The following PAM variants were observed in gnomAD, a reference collection of about 807,000 sequenced individuals.
PAM encodes the protein peptidylglycine alpha-amidating monooxygenase, also known as peptidyl-glycine alpha-amidating monooxygenase.
Under a neutral mutation model 122.1 loss-of-function variants are expected in PAM, and 72 were observed. That is an observed-to-expected ratio of 0.59 (90% CI 0.49 to 0.72). PAM has a LOEUF of 0.72. Ranked by LOEUF, PAM falls within the 30% of genes least tolerant of loss-of-function variation. PAM has a pLI of 0.00. For missense variants in PAM, 1,106 were observed against 1,183.7 expected, an observed-to-expected ratio of 0.93 and a Z score of 0.96; for synonymous variants, 389 against 404.4, an observed-to-expected ratio of 0.96 and a Z score of 0.46.
chr5:102,988,139 G>A (rs992885359), intron 15 of PAM, among the ~76,000 whole-genome samples: 10 of 152,138 alleles, frequency 6.6e-5, no homozygotes, highest in South Asian at 4.2e-4. Context: ...ACATACACAC[G>A]TATCCTTTCC....
intron 1 of PAM, among the ~76,000 whole-genome samples, chr5:102,778,792 C>T (rs962319220): frequency 2.6e-5 from 4 of 152,106 alleles, no homozygotes; most frequent in African/African-American, 9.7e-5. Context: ...ACAGTTTTCT[C>T]AGTTTGTAGT....
At chr5:102,942,041 A>G (rs568838762) in intron 7 of PAM, among the ~76,000 whole-genome samples, 1 of 152,138 alleles carries the variant, frequency 6.6e-6, no homozygotes, top group East Asian at 1.9e-4. Context: ...TTTTTTATAT[A>G]ACAGCACAGC....
intron 1 of PAM, among the ~76,000 whole-genome samples, chr5:102,809,983 T>C (rs1362805186): frequency 2.6e-5 from 4 of 152,246 alleles, no homozygotes; most frequent in African/African-American, 9.6e-5. Context: ...ATTTAGATTA[T>C]AATAGGTTAA....
chr5:103,012,799 T>C (rs1421387406), intron 21 of PAM, among the ~76,000 whole-genome samples: 1 of 146,596 alleles, frequency 6.8e-6, no homozygotes, highest in Non-Finnish European at 1.5e-5. Context: ...GAGCTTGCAG[T>C]GAGCGAAGAT....
At position 102,883,243 on chromosome 5, in the gene PAM, T is replaced by C. The variant is rs189765964; in HGVS notation, c.210+15850T>C. Among the ~76,000 whole-genome samples the C allele has an allele frequency of 5.3e-5, 8 of 152,056 alleles. No individual in the cohort carries two copies. In the South Asian group the frequency reaches 1.0e-3, roughly 20 times the overall value. On this transcript the variant is annotated intron_variant, in intron 3 of 25. Transcript: ENST00000438793. The stretch of plus-strand genomic sequence containing the variant: ...TATGAGTTTTAGGATTGTTTTTTTC[T>C]AGATCTGTGAGCAATGATAGTGGTA...
intron 12 of PAM, among the ~76,000 whole-genome samples, chr5:102,956,306 T>C (rs1481592901): frequency 6.6e-6 from 1 of 152,138 alleles, no homozygotes; most frequent in African/African-American, 2.4e-5. Context: ...TGCATGTGTG[T>C]ACACACATAC....
intron 7 of PAM, among the ~76,000 whole-genome samples, chr5:102,936,343 G>A (rs764357274): frequency 6.6e-6 from 1 of 152,028 alleles, no homozygotes; most frequent in African/African-American, 2.4e-5. Flanking sequence ...GAGGATGTTG[G>A]CAATGTGGAT....
At chr5:102,980,275 T>C (rs1414801835) in intron 15 of PAM, among the ~76,000 whole-genome samples, 1 of 152,190 alleles carries the variant, frequency 6.6e-6, no homozygotes, top group East Asian at 1.9e-4. Flanking sequence ...TAACTAGTCA[T>C]GTATTGAATC....
At chr5:102,793,462 T>G (rs1196630561) in intron 1 of PAM, among the ~76,000 whole-genome samples, 1 of 151,840 alleles carries the variant, frequency 6.6e-6, no homozygotes, top group Non-Finnish European at 1.5e-5. Flanking sequence ...GCCTGGGAGG[T>G]GGAGGCTGCA....
chr5:103,024,209 A>T (rs1423480184), intron 23 of PAM, among the ~76,000 whole-genome samples: 2 of 152,148 alleles, frequency 1.3e-5, no homozygotes, highest in Non-Finnish European at 2.9e-5. Flanking sequence ...TAGAGTTTCT[A>T]TACAAATACA....
In PAM at chr5:103,020,118, A is replaced by G. The variant is rs17154956; in HGVS notation, c.2485+275A>G. Among the ~76,000 whole-genome samples, 1,085 of 152,250 alleles carry G rather than the reference A, an allele frequency of 7.1e-3. 25 individuals are homozygous for G. In the East Asian group the frequency reaches 0.072, roughly 10 times the overall value. On this transcript the variant is annotated intron_variant, in intron 23 of 25. Coordinates refer to ENST00000438793, the MANE Select transcript of PAM (RefSeq NM_001177306.2). ...ACTTTGTAACTAGTGAGCCAGAGATATTCCGAGAAGAAAAAAAGTCAGCCA... is the reference window on the plus strand; with the variant it reads ...ACTTTGTAACTAGTGAGCCAGAGATGTTCCGAGAAGAAAAAAAGTCAGCCA...
intron 16 of PAM, among the ~76,000 whole-genome samples, chr5:103,002,590 A>G (rs1481444239): frequency 6.6e-6 from 1 of 152,180 alleles, no homozygotes; most frequent in African/African-American, 2.4e-5. Context: ...TCCAGCTATT[A>G]TTATAATTAA....
Position 103,025,272 on chromosome 5 carries a change from C to A in PAM, c.2627C>A (p.Pro876Gln). 1 of 1,613,700 alleles carries A rather than the reference C, an allele frequency of 6.2e-7. No homozygotes were observed. Among genetic ancestry groups the A allele is most frequent in the Non-Finnish European group, 8.5e-7 (1 of 1,179,722 alleles). Residue 876 changes from proline (P) to glutamine (Q), a missense_variant, in exon 24 of 26, where the codon CCG (proline) becomes CAG (glutamine). Physicochemically the swap from Pro to Gln is moderately conservative, Grantham distance 76. This residue lies in a region of PAM where 333 missense variants were observed against 335.6 expected (regional missense o/e 0.99). Coordinates refer to ENST00000438793, the MANE Select transcript of PAM (RefSeq NM_001177306.2). ...CTCATTACAACCCTTCTGGTTATTC[C>A]GGTGGTTGTCCTGCTGGCCATTGCC... The part of the protein sequence containing the change: ...VVLITTLLVI[P>Q]VVVLLAIAIF...
intron 5 of PAM, among the ~76,000 whole-genome samples, chr5:102,920,497 T>C (rs756702363): frequency 1.7e-4 from 26 of 152,258 alleles, no homozygotes; most frequent in Middle Eastern, 6.8e-3. Flanking sequence ...TTTTTCATTA[T>C]GTATCATTCT....
chr5:103,011,989 G>T (rs61692475), intron 21 of PAM, among the ~76,000 whole-genome samples: 5,904 of 152,164 alleles, frequency 0.039, 384 homozygotes, highest in African/African-American at 0.14. Context: ...TTGTAGTTTC[G>T]ATTTGCATTT....
chr5:102,969,387 C>T (rs761690894), intron 14 of PAM, among the ~76,000 whole-genome samples: 4 of 151,950 alleles, frequency 2.6e-5, no homozygotes, highest in Non-Finnish European at 4.4e-5. Context: ...GGGTAGGGTG[C>T]CATCAATCAC....
chr5:102,949,547 TG>T lies in PAM; in HGVS notation c.655del (p.Asp219ThrfsTer23), dbSNP rs1241113060. 2.6e-5 allele frequency: 40 copies of T among 1,516,686 alleles called. No homozygotes were observed. Among genetic ancestry groups the T allele is most frequent in the Non-Finnish European group, 3.7e-5 (40 of 1,091,342 alleles). 94.0% of individuals were successfully genotyped at this position (1,516,686 alleles called of 1,614,324 possible). On this transcript the variant is annotated frameshift_variant, in exon 10 of 26. Coordinates refer to ENST00000438793, the MANE Select transcript of PAM (RefSeq NM_001177306.2). LOFTEE classifies it high-confidence loss of function. ...IPAGEKVVNS[D>X]ISCHYKNYPM... Reference sequence around the variant, plus strand: ...TTTCATTTCCCACAGTGGTGAATTCTGACATTTCATGCCATTATAAAAATTA... The same window carrying T: ...TTTCATTTCCCACAGTGGTGAATTCTACATTTCATGCCATTATAAAAATTA...
At chr5:102,974,651 T>C in intron 15 of PAM, 1 of 403,418 alleles carries the variant, frequency 2.5e-6, no homozygotes, top group Non-Finnish European at 4.4e-6. Context: ...ATTTAGTGTC[T>C]GTTCTATTGG....
At chr5:102,919,284 G>C (rs1746529361) in intron 5 of PAM, among the ~76,000 whole-genome samples, 1 of 152,024 alleles carries the variant, frequency 6.6e-6, no homozygotes, top group Non-Finnish European at 1.5e-5. Flanking sequence ...GCCTGTATGA[G>C]AGATACTCTG....
Sources: gnomAD v4.1 joint callset for allele counts (sites outside exome capture counted in the v4.1 genomes callset) on GRCh38, gnomAD v4.1.1 for gene constraint, gnomAD v4.1.1 regional missense constraint, MANE v1.5 for transcripts, NCBI Gene and HGNC (gene_info 2026-07-23, HGNC 2026-07-21) for gene names.